The following KANK1 variants were observed in gnomAD, a reference collection of about 807,000 sequenced individuals.
KANK1 encodes the protein KN motif and ankyrin repeat domains 1.
A neutral mutation model predicts 106.2 loss-of-function variants in KANK1; 109 were observed. The ratio of observed to expected loss-of-function variants is 1.03; its 90% confidence interval spans 0.88 to 1.20. The LOEUF (loss-of-function observed/expected upper bound fraction) is 1.20, where lower values mean the gene tolerates loss of function less well. KANK1 is among the 50% of genes most tolerant of loss of function. The pLI is 0.00. For synonymous variants in KANK1, 873 were observed against 652.2 expected, an observed-to-expected ratio of 1.34 and a Z score of -5.16; for missense variants, 2,399 against 1,710.7, an observed-to-expected ratio of 1.40 and a Z score of -7.10.
intron 1 of KANK1, among the ~76,000 whole-genome samples, chr9:579,547 G>C (rs536044057): frequency 6.6e-6 from 1 of 152,034 alleles, no homozygotes; most frequent in Non-Finnish European, 1.5e-5. Context: ...TCTGGAGCCC[G>C]CCTGTCAGCT....
In KANK1 at chr9:712,345, G is replaced by A. The variant is rs1304934710; in HGVS notation, c.1579G>A (p.Val527Ile). ...EAVVQTRDQMVGSHMDLVDTC... is the reference protein window; with the variant it reads ...EAVVQTRDQMIGSHMDLVDTC... ...AGTGGTGCAGACCAGAGACCAAATG[G>A]TCGGCAGTCACATGGACCTGGTGGA... The change falls in exon 3 of 12, where the codon GTC (valine) becomes ATC (isoleucine). Residue 527 changes from valine (V) to isoleucine (I), a missense_variant. Transcript: ENST00000382297. 2 of 1,614,204 alleles carry A rather than the reference G, an allele frequency of 1.2e-6. No individual in the cohort carries two copies. Among genetic ancestry groups the A allele is most frequent in the Non-Finnish European group, 1.7e-6 (2 of 1,180,042 alleles).
chr9:728,873 C>G (rs1248460386), intron 3 of KANK1, among the ~76,000 whole-genome samples: 2 of 152,190 alleles, frequency 1.3e-5, no homozygotes, highest in East Asian at 1.9e-4. Flanking sequence ...GAAGCCCACC[C>G]TTATTTGAGT....
In KANK1 at chr9:646,963, A is replaced by T. The variant is rs904335391; in HGVS notation, c.-83-29927A>T. ...TCCACCCGCCTCAGCCTCCCAAAGT[A>T]TTGGGATTACCGGCGTGAGCTACTA... On this transcript the variant is annotated intron_variant, in intron 1 of 11. Transcript: ENST00000382297. Among the ~76,000 whole-genome samples, 10 of 150,712 alleles carry T rather than the reference A, an allele frequency of 6.6e-5. 1 individual carries two copies. Among genetic ancestry groups the T allele is most frequent in the Admixed American group, 2.0e-4 (3 of 15,230 alleles).
At chr9:741,861 T>G (rs7856064) in intron 9 of KANK1, among the ~76,000 whole-genome samples, 1 of 151,390 alleles carries the variant, frequency 6.6e-6, no homozygotes, top group Non-Finnish European at 1.5e-5. Context: ...TCAGACAATC[T>G]GCCTGCCTCA....
At chr9:581,792 C>CA (rs2135311364) in intron 1 of KANK1, among the ~76,000 whole-genome samples, 2 of 152,210 alleles carry the variant, frequency 1.3e-5, no homozygotes, top group South Asian at 4.2e-4. Context: ...ACACCAGTCC[C>CA]TACTGCTTCT....
chr9:737,900 T>C (rs1444944882), intron 7 of KANK1, among the ~76,000 whole-genome samples: 1 of 152,220 alleles, frequency 6.6e-6, no homozygotes, highest in Non-Finnish European at 1.5e-5. Flanking sequence ...CCTGAGTGTT[T>C]ATTCTCATCA....
chr9:531,309 T>C (rs932849127), intron 1 of KANK1, among the ~76,000 whole-genome samples: 8 of 152,028 alleles, frequency 5.3e-5, no homozygotes, highest in African/African-American at 1.9e-4. Context: ...TGCGTGCCTA[T>C]AGTCCCAGCT....
intron 1 of KANK1, among the ~76,000 whole-genome samples, chr9:564,727 A>C (rs1246501675): frequency 6.6e-6 from 1 of 152,224 alleles, no homozygotes; most frequent in African/African-American, 2.4e-5. Flanking sequence ...ACACTCTTTC[A>C]GGAGATGCCC....
chr9:553,378 C>A (rs1014054768), intron 1 of KANK1, among the ~76,000 whole-genome samples: 7 of 152,022 alleles, frequency 4.6e-5, no homozygotes, highest in African/African-American at 1.7e-4. Flanking sequence ...TGATTTTCTC[C>A]CTATGATGAG....
Position 732,321 on chromosome 9 carries a change from A to G in KANK1, c.3006-57A>G, listed in dbSNP as rs140398822. 771 of 1,552,536 alleles carry G rather than the reference A, an allele frequency of 5.0e-4. 3 individuals are homozygous for G. In the African/African-American group the frequency reaches 9.3e-3, roughly 19 times the overall value. Reference sequence around the variant, plus strand: ...AGCAAATCCCTTCATAGAAATTTCTATCACTGGGTCTTCGTGAGCACACCT... The same window carrying G: ...AGCAAATCCCTTCATAGAAATTTCTGTCACTGGGTCTTCGTGAGCACACCT... On this transcript the variant is annotated intron_variant, in intron 5 of 11. Transcript: ENST00000382297.
intron 1 of KANK1, among the ~76,000 whole-genome samples, chr9:572,587 C>G (rs906365007): frequency 5.9e-5 from 9 of 151,882 alleles, no homozygotes; most frequent in African/African-American, 2.2e-4. Context: ...GACAGGGTCT[C>G]GATATGTTGC....
intron 2 of KANK1, among the ~76,000 whole-genome samples, chr9:695,657 G>A (rs1039993413): frequency 1.3e-5 from 2 of 151,886 alleles, no homozygotes; most frequent in Non-Finnish European, 2.9e-5. Context: ...ATCCTCTCTG[G>A]GGGGCCAGGG....
chr9:603,997 C>G (rs1474277739), intron 1 of KANK1, among the ~76,000 whole-genome samples: 2 of 149,978 alleles, frequency 1.3e-5, no homozygotes, highest in South Asian at 4.2e-4. Flanking sequence ...TTTGGCCTTA[C>G]CATGCTTGGT....
intron 1 of KANK1, among the ~76,000 whole-genome samples, chr9:643,957 C>G (rs1839091771): frequency 6.6e-6 from 1 of 150,974 alleles, no homozygotes; most frequent in Non-Finnish European, 1.5e-5. Flanking sequence ...CCCGCCTTGG[C>G]CTCCCAAAGT....
intron 1 of KANK1, among the ~76,000 whole-genome samples, chr9:518,227 C>T (rs2059380048): frequency 1.3e-5 from 2 of 151,782 alleles, no homozygotes; most frequent in East Asian, 3.9e-4. Flanking sequence ...TGTTGTAAAC[C>T]TCTGACCTCA....
chr9:524,666 C>T (rs775642570), intron 1 of KANK1, among the ~76,000 whole-genome samples: 4 of 151,356 alleles, frequency 2.6e-5, no homozygotes, highest in Non-Finnish European at 4.4e-5. Context: ...TACAGGTGTC[C>T]ACTACGACAC....
intron 3 of KANK1, chr9:492,374 T>C (rs1050998454): frequency 6.6e-6 from 1 of 152,204 alleles, no homozygotes; most frequent in Non-Finnish European, 1.5e-5. Context: ...TGTCGGTACT[T>C]ACGTGGATAG....
At chr9:479,539 G>A (rs528698130) in intron 3 of KANK1, among the ~76,000 whole-genome samples, 34 of 152,312 alleles carry the variant, frequency 2.2e-4, no homozygotes, top group African/African-American at 8.2e-4. Flanking sequence ...GTGACTCACT[G>A]CAGGTGATTC....
chr9:498,238 A>G (rs761667248), intron 3 of KANK1, among the ~76,000 whole-genome samples: 16 of 152,248 alleles, frequency 1.1e-4, no homozygotes, highest in Non-Finnish European at 2.2e-4. Context: ...CCAAGTATTT[A>G]GCAGATAACT....
Sources: gnomAD v4.1 joint callset for allele counts (sites outside exome capture counted in the v4.1 genomes callset) on GRCh38, gnomAD v4.1.1 for gene constraint, MANE v1.5 for transcripts, NCBI Gene and HGNC (gene_info 2026-07-23, HGNC 2026-07-21) for gene names.